Variants in CNIH3 observed in about 807,000 individuals in gnomAD.
The protein encoded by CNIH3 is cornichon family AMPA receptor auxiliary protein 3, also known as protein cornichon homolog 3.
CNIH3 carries 14 observed loss-of-function variants against 24.1 expected under a neutral mutation model. The ratio of observed to expected loss-of-function variants is 0.58; its 90% CI spans 0.38 to 0.91. CNIH3 has a LOEUF of 0.91. Among genes scored for constraint, CNIH3 ranks in the 40% least tolerant of loss-of-function variants. CNIH3 has a pLI of 0.00. For missense variants in CNIH3, 178 were observed against 196.8 expected, an observed-to-expected ratio of 0.90 and a Z score of 0.57; for synonymous variants, 68 against 73.8, an observed-to-expected ratio of 0.92 and a Z score of 0.40.
chr1:224,442,769 A>G (rs1242082328), intron 1 of CNIH3, among the ~76,000 whole-genome samples: 1 of 152,252 alleles, frequency 6.6e-6, no homozygotes, highest in Non-Finnish European at 1.5e-5. Context: ...GCGTGGCTCC[A>G]GAGCTGTGTT....
At chr1:224,475,080 C>G (rs1182200496) in intron 1 of CNIH3, among the ~76,000 whole-genome samples, 3 of 145,968 alleles carry the variant, frequency 2.1e-5, no homozygotes, top group East Asian at 4.1e-4. Flanking sequence ...AAATCAGAGG[C>G]TGGGCGCGGT....
chr1:224,583,591 G>A (rs986892415), intron 5 of CNIH3, among the ~76,000 whole-genome samples: 1 of 152,204 alleles, frequency 6.6e-6, no homozygotes, highest in Non-Finnish European at 1.5e-5. Context: ...TAGACACCAA[G>A]TTGTTTGGTT....
intron 4 of CNIH3, chr1:224,574,947 A>G (rs1361800446): frequency 2.2e-5 from 20 of 908,312 alleles, no homozygotes; most frequent in Non-Finnish European, 3.7e-5. Flanking sequence ...GGTTGAGAGG[A>G]TCTTAAACAA....
chr1:224,616,869 C>T lies in CNIH3; in HGVS notation c.-306C>T. 10 of 1,218,382 alleles carry T rather than the reference C, an allele frequency of 8.2e-6. No individual in the cohort carries two copies. In the South Asian group the frequency reaches 1.4e-4, roughly 17 times the overall value. The allele number at this position is 1,218,382 out of a possible 1,614,324, so 75.5% of individuals were successfully genotyped here. On this transcript the variant is annotated 5_prime_UTR_variant, in exon 1 of 6. Transcript: ENST00000272133. ...GTCTCGAGGGGCTCACAGCTTGGCA[C>T]TAATTTGCAGGTGTTCGCTGCTGAT...
chr1:224,638,249 C>T (rs905536674), intron 1 of CNIH3, among the ~76,000 whole-genome samples: 2 of 152,190 alleles, frequency 1.3e-5, no homozygotes, highest in African/African-American at 2.4e-5. Context: ...AGGGGGAGGC[C>T]GGGCAGTGTC....
intron 3 of CNIH3, among the ~76,000 whole-genome samples, chr1:224,608,512 C>T (rs1437527682): frequency 6.6e-6 from 1 of 152,132 alleles, no homozygotes; most frequent in Non-Finnish European, 1.5e-5. Flanking sequence ...GGGATGCATG[C>T]ACTGGTAATC....
chr1:224,671,268 A>T (rs2125130462), intron 1 of CNIH3, among the ~76,000 whole-genome samples: 1 of 152,126 alleles, frequency 6.6e-6, no homozygotes. Context: ...TTAGGGCAAG[A>T]CTCTGGGCCT....
rs1298551328 is a variant in CNIH3, at chr1:224,739,788, G to A, written c.*432G>A. ...CAGAATGACCCAGAGTCAAGGCCAA[G>A]TCTGCAGGGACCTGTTGAAAGCCTC... is the stretch of plus-strand genomic sequence containing the variant. On this transcript the variant is annotated 3_prime_UTR_variant, in exon 6 of 6. Transcript: ENST00000272133. The A allele has an allele frequency of 5.6e-6, 1 of 177,290 alleles. No individual in the cohort carries two copies. The highest frequency in any genetic ancestry group is 1.2e-5 in the Non-Finnish European group (1 of 86,230). 11.0% of individuals were successfully genotyped at this position (177,290 alleles called of 1,614,324 possible). A position where few individuals can be genotyped will look rare whatever the true frequency, so the allele number is the denominator to read the frequency against.
chr1:224,648,121 T>C (rs1310746703), intron 1 of CNIH3, among the ~76,000 whole-genome samples: 1 of 152,074 alleles, frequency 6.6e-6, no homozygotes, highest in Non-Finnish European at 1.5e-5. Context: ...AGTGGGCGGC[T>C]GGGCGCAGTG....
intron 1 of CNIH3, among the ~76,000 whole-genome samples, chr1:224,443,662 T>TATAG (rs5781369): frequency 0.15 from 21,870 of 148,600 alleles, 3,681 homozygotes; most frequent in African/African-American, 0.42. Context: ...CAATTATATA[T>TATAG]ATAGATAGAT....
intron 1 of CNIH3, among the ~76,000 whole-genome samples, chr1:224,492,069 G>A (rs1048695883): frequency 2.6e-5 from 4 of 152,090 alleles, no homozygotes; most frequent in Non-Finnish European, 4.4e-5. Flanking sequence ...TGCATCTATT[G>A]CATTTATTTA....
intron 5 of CNIH3, 92 bp downstream of exon 5, chr1:224,734,798 G>A: frequency 1.5e-6 from 2 of 1,375,986 alleles, no homozygotes; most frequent in Non-Finnish European, 2.0e-6. Flanking sequence ...TTGGGAGATG[G>A]CGTGCGAGGG....
At chr1:224,579,249 T>C (rs1054885217) in intron 4 of CNIH3, among the ~76,000 whole-genome samples, 2 of 152,100 alleles carry the variant, frequency 1.3e-5, no homozygotes, top group African/African-American at 2.4e-5. Context: ...AGTTGTTGTT[T>C]TCTGTTTATT....
intron 1 of CNIH3, among the ~76,000 whole-genome samples, chr1:224,471,356 C>G (rs781004504): frequency 2.4e-4 from 36 of 152,154 alleles, no homozygotes; most frequent in Non-Finnish European, 3.7e-4. Context: ...TTCATTCATT[C>G]TATTTTTTTG....
chr1:224,727,312 G>T (rs983030339), intron 3 of CNIH3, among the ~76,000 whole-genome samples: 2 of 152,172 alleles, frequency 1.3e-5, no homozygotes, highest in Non-Finnish European at 2.9e-5. Context: ...TCAACTCTTG[G>T]CAGCTTAAAA....
chr1:224,672,004 A>T (rs1177416307), intron 1 of CNIH3, among the ~76,000 whole-genome samples: 1 of 151,828 alleles, frequency 6.6e-6, no homozygotes, highest in Non-Finnish European at 1.5e-5. Flanking sequence ...TAGATATAAG[A>T]TGTATGTTAT....
chr1:224,590,592 A>T (rs1681710782), downstream of CNIH3, among the ~76,000 whole-genome samples: 1 of 152,188 alleles, frequency 6.6e-6, no homozygotes, highest in African/African-American at 2.4e-5. Flanking sequence ...GAAGGTCAAG[A>T]GAAAGCAAGT....
downstream of CNIH3, among the ~76,000 whole-genome samples, chr1:224,590,791 C>G (rs1439050713): frequency 6.6e-6 from 1 of 152,026 alleles, no homozygotes; most frequent in Non-Finnish European, 1.5e-5. Flanking sequence ...GTGCTTTTGG[C>G]CCTTCTTCCC....
intron 1 of CNIH3, among the ~76,000 whole-genome samples, chr1:224,628,939 C>T (rs999138159): frequency 2.0e-5 from 3 of 151,886 alleles, no homozygotes; most frequent in South Asian, 2.1e-4. Context: ...GGAACTCCCC[C>T]CCAACCACCT....
Sources: gnomAD v4.1 joint callset for allele counts (sites outside exome capture counted in the v4.1 genomes callset) on GRCh38, gnomAD v4.1.1 for gene constraint, MANE v1.5 for transcripts, NCBI Gene and HGNC (gene_info 2026-07-23, HGNC 2026-07-21) for gene names.